The following LRRC49 variants were observed in gnomAD, a reference collection of about 807,000 sequenced individuals.
LRRC49 encodes the protein leucine-rich repeat-containing protein 49.
Under a neutral mutation model 83.3 loss-of-function variants are expected in LRRC49, and 50 were observed. The ratio of observed to expected loss-of-function variants is 0.60; its 90% CI spans 0.48 to 0.76. LRRC49 has a LOEUF of 0.76. Among genes scored for constraint, LRRC49 ranks in the 30% least tolerant of loss-of-function variants. The pLI is 0.00. For missense variants in LRRC49, 704 were observed against 809.1 expected (o/e 0.87, Z 1.58); for synonymous variants, 286 against 283.3 (o/e 1.01, Z -0.10).
At chr15:70,879,793 A>T (rs535006856) in intron 2 of LRRC49, among the ~76,000 whole-genome samples, 1 of 152,200 alleles carries the variant, frequency 6.6e-6, no homozygotes, top group East Asian at 1.9e-4. Flanking sequence ...TTGACTGAAT[A>T]AGCTTTACAT....
At chr15:70,911,726 A>T (rs2034560206) in intron 6 of LRRC49, 128 bp downstream of exon 6, 3 of 600,374 alleles carry the variant, frequency 5.0e-6, no homozygotes, top group Non-Finnish European at 8.8e-6. Context: ...GAAATTTCTA[A>T]GGTATCAAGC....
chr15:71,002,551 G>A (rs971917019), intron 11 of LRRC49, among the ~76,000 whole-genome samples: 1 of 151,836 alleles, frequency 6.6e-6, no homozygotes. Context: ...CAGTGAAGCT[G>A]GGTTATTTTT....
chr15:70,908,629 T>C (rs1205042599), intron 5 of LRRC49: 1 of 152,358 alleles, frequency 6.6e-6, no homozygotes, highest in Non-Finnish European at 1.5e-5. Flanking sequence ...TCACAAACCT[T>C]ATTACCATTG....
At chr15:70,907,277 T>C (rs1399536433) in intron 5 of LRRC49, among the ~76,000 whole-genome samples, 3 of 152,186 alleles carry the variant, frequency 2.0e-5, no homozygotes, top group Non-Finnish European at 4.4e-5. Context: ...TGCCTTTTGG[T>C]CCAAGGCAGT....
At chr15:70,882,392 G>C in intron 2 of LRRC49, 1 of 1,305,456 alleles carries the variant, frequency 7.7e-7, no homozygotes, top group Non-Finnish European at 1.1e-6. Context: ...ATAGCAAAGA[G>C]ATAATTATGT....
At chr15:70,904,834 ATACT>A (rs759539310) in intron 5 of LRRC49, 79 bp downstream of exon 5, 97 of 1,069,206 alleles carry the variant, frequency 9.1e-5, no homozygotes, top group Non-Finnish European at 1.1e-4. Context: ...GAATTGAATA[ATACT>A]TAAGAAATGA....
chr15:70,990,610 G>C (rs1257225672), intron 11 of LRRC49, among the ~76,000 whole-genome samples: 1 of 152,188 alleles, frequency 6.6e-6, no homozygotes, highest in African/African-American at 2.4e-5. Context: ...GCCTCACCCT[G>C]CTTCGGCTCA....
intron 11 of LRRC49, among the ~76,000 whole-genome samples, chr15:71,003,714 T>C (rs1450957854): frequency 6.6e-6 from 1 of 152,212 alleles, no homozygotes. Flanking sequence ...AATATATGTA[T>C]TATGATAATC....
intron 7 of LRRC49, among the ~76,000 whole-genome samples, chr15:70,932,136 T>C (rs2035430119): frequency 6.6e-6 from 1 of 152,182 alleles, no homozygotes; most frequent in Non-Finnish European, 1.5e-5. Flanking sequence ...GACTGGTGAA[T>C]TGACTGATAT....
chr15:70,890,006 T>C (rs932193951), upstream of LRRC49, among the ~76,000 whole-genome samples: 4 of 152,236 alleles, frequency 2.6e-5, no homozygotes, highest in African/African-American at 9.6e-5. Flanking sequence ...TCAGCAAGTA[T>C]ATTAATGTAC....
chr15:71,019,029 C>T (rs900892344), intron 14 of LRRC49, among the ~76,000 whole-genome samples: 1 of 152,204 alleles, frequency 6.6e-6, no homozygotes, highest in South Asian at 2.1e-4. Context: ...GGGCACAGAG[C>T]TTCCATGCCC....
chr15:70,924,534 T>C (rs1262850688), intron 7 of LRRC49, among the ~76,000 whole-genome samples: 1 of 151,994 alleles, frequency 6.6e-6, no homozygotes, highest in African/African-American at 2.4e-5. Flanking sequence ...GATAAGGACC[T>C]TAGAATCATT....
intron 14 of LRRC49, among the ~76,000 whole-genome samples, chr15:71,016,337 A>G (rs1004455969): frequency 2.6e-5 from 4 of 152,138 alleles, no homozygotes; most frequent in South Asian, 2.1e-4. Context: ...TAAGAATACT[A>G]TATGTCAAAA....
intron 14 of LRRC49, among the ~76,000 whole-genome samples, chr15:71,015,279 C>G (rs1457175218): frequency 1.3e-5 from 2 of 152,110 alleles, no homozygotes; most frequent in Non-Finnish European, 2.9e-5. Flanking sequence ...TGATATGCAG[C>G]GGCAGTCCTC....
At chr15:70,895,787 A>G (rs543210659) in intron 2 of LRRC49, 62 bp from the exon 3 acceptor site, 67 of 969,702 alleles carry the variant, frequency 6.9e-5, no homozygotes, top group Non-Finnish European at 9.1e-5. Context: ...TTTTTAATTT[A>G]TCTTCACTGC....
intron 7 of LRRC49, among the ~76,000 whole-genome samples, chr15:70,920,821 A>C (rs556917144): frequency 3.4e-4 from 52 of 152,298 alleles, no homozygotes; most frequent in African/African-American, 1.2e-3. Flanking sequence ...GCTATATATC[A>C]AATTTACTAT....
At chr15:70,945,370 G>T (rs1302730167) in intron 8 of LRRC49, among the ~76,000 whole-genome samples, 2 of 152,186 alleles carry the variant, frequency 1.3e-5, no homozygotes, top group Non-Finnish European at 2.9e-5. Context: ...AGGTGAGTCT[G>T]ATGCTGTCAT....
chr15:71,012,853 C>T lies in LRRC49; in HGVS notation c.1643C>T (p.Ala548Val), dbSNP rs138310834. The change falls in exon 14 of 16, where the codon GCA (alanine) becomes GTA (valine). Residue 548 changes from alanine to valine, a missense_variant. This residue lies in a region of LRRC49 where 275 missense variants were observed against 338.0 expected (regional missense o/e 0.81). Coordinates refer to ENST00000260382, the MANE Select transcript of LRRC49 (RefSeq NM_017691.5). ...IMAERLFGIL[A>V]HVASSELPQY... is the part of the protein sequence containing the mutation. ...GCTGAAAGGCTCTTTGGAATCCTAGCACATGTAGCATCTTCTGAGTTACCC... is the reference window on the plus strand; with the variant it reads ...GCTGAAAGGCTCTTTGGAATCCTAGTACATGTAGCATCTTCTGAGTTACCC... The T allele has an allele frequency of 6.8e-6, 11 of 1,613,256 alleles. No homozygotes were observed. Among genetic ancestry groups the T allele is most frequent in the Non-Finnish European group, 9.3e-6 (11 of 1,179,420 alleles).
intron 14 of LRRC49, among the ~76,000 whole-genome samples, chr15:71,017,879 C>T (rs2038876114): frequency 6.6e-6 from 1 of 152,074 alleles, no homozygotes; most frequent in African/African-American, 2.4e-5. Flanking sequence ...CACATATGCA[C>T]AAGTTATTTA....
Sources: gnomAD v4.1 joint callset for allele counts (sites outside exome capture counted in the v4.1 genomes callset) on GRCh38, gnomAD v4.1.1 for gene constraint, gnomAD v4.1.1 regional missense constraint, MANE v1.5 for transcripts, NCBI Gene and HGNC (gene_info 2026-07-23, HGNC 2026-07-21) for gene names.